Variants in PTPRE observed in about 807,000 individuals in gnomAD.
The protein encoded by PTPRE is receptor-type tyrosine-protein phosphatase epsilon.
A neutral mutation model predicts 102.0 loss-of-function variants in PTPRE; 51 were observed. The observed-to-expected ratio is 0.50, with a 90% confidence interval of 0.40 to 0.63. PTPRE has a LOEUF of 0.63. PTPRE is among the 30% of genes least tolerant of loss of function. PTPRE has a pLI of 0.00. For missense variants in PTPRE, 752 were observed against 915.1 expected, an observed-to-expected ratio of 0.82 and a Z score of 2.30; for synonymous variants, 345 against 348.2, an observed-to-expected ratio of 0.99 and a Z score of 0.10.
intron 7 of PTPRE, among the ~76,000 whole-genome samples, chr10:128,057,331 C>T (rs544864798): frequency 6.6e-6 from 1 of 152,294 alleles, no homozygotes; most frequent in South Asian, 2.1e-4. Context: ...AAAATGGCAT[C>T]CTCAAAGGGC....
chr10:127,924,135 AAG>A (rs1564800239), intron 1 of PTPRE, among the ~76,000 whole-genome samples: 1 of 152,204 alleles, frequency 6.6e-6, no homozygotes, highest in East Asian at 1.9e-4. Context: ...TTTGTAGAGA[AAG>A]AGTTTGTGCT....
At chr10:127,974,166 G>A (rs1038313370) in intron 1 of PTPRE, among the ~76,000 whole-genome samples, 18 of 152,188 alleles carry the variant, frequency 1.2e-4, no homozygotes, top group African/African-American at 3.4e-4. Context: ...GCAGCATTCC[G>A]GGATCTGCCC....
intron 1 of PTPRE, among the ~76,000 whole-genome samples, chr10:127,943,437 T>C (rs953881784): frequency 2.6e-5 from 4 of 152,238 alleles, no homozygotes; most frequent in Non-Finnish European, 5.9e-5. Flanking sequence ...TTCCTGCAGC[T>C]CTTTGTCTGT....
At chr10:128,000,158 G>A (rs1198224974) in intron 2 of PTPRE, among the ~76,000 whole-genome samples, 2 of 151,934 alleles carry the variant, frequency 1.3e-5, no homozygotes, top group Non-Finnish European at 2.9e-5. Flanking sequence ...CCTCTCTCCC[G>A]GTTTCTAAAA....
At position 128,079,545 on chromosome 10, in the gene PTPRE, G is replaced by T; in HGVS notation, c.1893-15G>T. ...GCAAGTCGGATGATCTGCATTAAGC[G>T]CTTTTTCTCTGCAGTGCCGGAGCTG... On this transcript the variant is annotated splice_polypyrimidine_tract_variant and intron_variant, in intron 19 of 20. Coordinates refer to ENST00000254667, the MANE Select transcript of PTPRE (RefSeq NM_006504.6). 1.2e-6 allele frequency: 2 copies of T among 1,612,708 alleles called. No homozygotes were observed. The highest frequency in any genetic ancestry group is 1.7e-6 in the Non-Finnish European group (2 of 1,179,560).
rs1590271067 is a variant in PTPRE at position 128,082,997 on chromosome 10, TC to T, written c.*94del. ...TATTTCATAGTTGACATTAATATCT[TC>T]CCTAATTTCTTTGTATATATTTTGT... On this transcript the variant is annotated 3_prime_UTR_variant, in exon 21 of 21. Coordinates refer to ENST00000254667, the MANE Select transcript of PTPRE (RefSeq NM_006504.6). 51 of 1,253,098 alleles carry T rather than the reference TC, an allele frequency of 4.1e-5. No individual in the cohort carries two copies. The East Asian group carries it at 1.5e-3, about 37-fold the overall frequency. 77.6% of individuals were successfully genotyped at this position (1,253,098 alleles called of 1,614,324 possible).
intron 1 of PTPRE, among the ~76,000 whole-genome samples, chr10:127,969,333 C>T (rs555647949): frequency 6.6e-6 from 1 of 152,288 alleles, no homozygotes; most frequent in African/African-American, 2.4e-5. Context: ...AGGGCAGGGG[C>T]CGTGAAGACA....
At chr10:127,965,603 A>G (rs895543951) in intron 1 of PTPRE, among the ~76,000 whole-genome samples, 1 of 152,186 alleles carries the variant, frequency 6.6e-6, no homozygotes, top group Non-Finnish European at 1.5e-5. Flanking sequence ...AAATTATCTC[A>G]TTTTGAATTG....
intron 2 of PTPRE, among the ~76,000 whole-genome samples, chr10:128,025,801 C>T (rs1459302028): frequency 6.6e-6 from 1 of 152,220 alleles, no homozygotes; most frequent in Non-Finnish European, 1.5e-5. Flanking sequence ...CCCCAGCTCC[C>T]AGCAGCCTCC....
At chr10:128,044,715 C>T (rs879656054) in intron 3 of PTPRE, among the ~76,000 whole-genome samples, 3 of 152,264 alleles carry the variant, frequency 2.0e-5, no homozygotes, top group East Asian at 1.9e-4. Context: ...TGTCCCACCC[C>T]GTCAGAGCCA....
At chr10:128,059,455 G>T (rs1027037002) in intron 7 of PTPRE, among the ~76,000 whole-genome samples, 2 of 152,194 alleles carry the variant, frequency 1.3e-5, no homozygotes, top group African/African-American at 4.8e-5. Context: ...GACAAACAAG[G>T]CATGACCTGG....
intron 2 of PTPRE, among the ~76,000 whole-genome samples, chr10:128,015,716 C>A (rs931207510): frequency 7.9e-5 from 12 of 151,964 alleles, no homozygotes; most frequent in African/African-American, 2.9e-4. Context: ...GCCTGTAGTC[C>A]CAGCTACTCA....
intron 1 of PTPRE, among the ~76,000 whole-genome samples, chr10:127,964,434 G>A (rs1850078244): frequency 6.6e-6 from 1 of 152,148 alleles, no homozygotes; most frequent in South Asian, 2.1e-4. Flanking sequence ...GCCTCCCAAA[G>A]TGCTGGGATT....
chr10:128,062,947 T>C, intron 9 of PTPRE, 136 bp from the exon 10 acceptor site: 1 of 1,454,996 alleles, frequency 6.9e-7, no homozygotes, highest in Non-Finnish European at 9.2e-7. Context: ...CTTCAGGGCA[T>C]GACGTGTGTG....
chr10:127,933,651 A>T (rs1847607074), intron 1 of PTPRE, among the ~76,000 whole-genome samples: 2 of 152,230 alleles, frequency 1.3e-5, no homozygotes, highest in African/African-American at 4.8e-5. Context: ...CTATTTAATT[A>T]CAATATCAAG....
intron 8 of PTPRE, 83 bp from the exon 9 acceptor site, chr10:128,061,596 C>T (rs1849595274): frequency 1.3e-6 from 2 of 1,495,402 alleles, no homozygotes; most frequent in African/African-American, 1.4e-5. Flanking sequence ...TGAATATGTA[C>T]TGCTTTCCTA....
At chr10:128,012,630 G>T (rs141312248) in intron 2 of PTPRE, among the ~76,000 whole-genome samples, 1 of 152,320 alleles carries the variant, frequency 6.6e-6, no homozygotes, top group South Asian at 2.1e-4. Flanking sequence ...CATGGACGAG[G>T]CATCATTTCC....
At chr10:128,010,564 T>TTCTTTTCTTTTCTTG (rs1844908559) in intron 2 of PTPRE, among the ~76,000 whole-genome samples, 2 of 145,048 alleles carry the variant, frequency 1.4e-5, no homozygotes, top group South Asian at 4.3e-4. Flanking sequence ...TTCTTTTCTT[T>TTCTTTTCTTTTCTTG]TCTTTTCTTT....
At chr10:127,976,926 GT>G (rs1851225657) in intron 1 of PTPRE, among the ~76,000 whole-genome samples, 1 of 152,240 alleles carries the variant, frequency 6.6e-6, no homozygotes, top group Admixed American at 6.5e-5. Flanking sequence ...GCAGAATGAA[GT>G]TGTCCGATAG....
Sources: allele counts gnomAD v4.1 joint callset (sites outside exome capture counted in the v4.1 genomes callset), GRCh38; gene constraint gnomAD v4.1.1; transcripts MANE v1.5; gene names NCBI Gene and HGNC (gene_info 2026-07-23, HGNC 2026-07-21).